Variants in PPARGC1A observed in about 807,000 individuals in gnomAD.
The protein encoded by PPARGC1A is PPARG coactivator 1 alpha.
In PPARGC1A, 25 loss-of-function variants were observed where a neutral mutation model predicts 88.7. The observed-to-expected ratio is 0.28, with a 90% CI of 0.21 to 0.39. The LOEUF (loss-of-function observed/expected upper bound fraction) is 0.39. PPARGC1A is among the 10% of genes least tolerant of loss of function. The pLI is 1.00. For synonymous variants in PPARGC1A, 363 were observed against 355.6 expected (o/e 1.02, Z -0.24); for missense variants, 880 against 968.7 (o/e 0.91, Z 1.22).
the PPARGC1A span, among the ~76,000 whole-genome samples, chr4:24,117,008 C>A: frequency 6.7e-6 from 1 of 150,136 alleles, no homozygotes. Context: ...ACAACAACAA[C>A]AAAAAACAAT....
chr4:24,218,405 C>T, the PPARGC1A span, among the ~76,000 whole-genome samples: 2 of 152,184 alleles, frequency 1.3e-5, no homozygotes, highest in Non-Finnish European at 2.9e-5. Flanking sequence ...ACCATCCACA[C>T]AAGTTTCTTC....
the PPARGC1A span, among the ~76,000 whole-genome samples, chr4:23,955,544 A>G: frequency 1.3e-5 from 2 of 152,122 alleles, no homozygotes; most frequent in African/African-American, 4.8e-5. Context: ...CAAGGGCAGG[A>G]ATCAAGGTAG....
the PPARGC1A span, among the ~76,000 whole-genome samples, chr4:24,144,473 G>A: frequency 2.8e-5 from 4 of 143,846 alleles, no homozygotes. Context: ...TTGAAACCAA[G>A]TGGGAGTTAT....
chr4:23,879,859 T>C (rs1172939689), intron 2 of PPARGC1A: 2 of 152,154 alleles, frequency 1.3e-5, no homozygotes, highest in Non-Finnish European at 2.9e-5. Flanking sequence ...TGACCCACCG[T>C]AATTTTGTAC....
chr4:24,230,897 G>A, the PPARGC1A span, among the ~76,000 whole-genome samples: 29 of 150,884 alleles, frequency 1.9e-4, 1 homozygote. Flanking sequence ...TTGACTAAGG[G>A]GGCTGTACCT....
chr4:24,005,028 T>G, the PPARGC1A span, among the ~76,000 whole-genome samples: 1 of 152,268 alleles, frequency 6.6e-6, no homozygotes, highest in African/African-American at 2.4e-5. Flanking sequence ...AGACTCCACC[T>G]GCTTATAAAA....
intron 7 of PPARGC1A, among the ~76,000 whole-genome samples, chr4:23,821,291 G>A (rs753736344): frequency 6.6e-6 from 1 of 152,110 alleles, no homozygotes; most frequent in Non-Finnish European, 1.5e-5. Flanking sequence ...AATGAAATGG[G>A]CAGAAAGTAA....
intron 3 of PPARGC1A, among the ~76,000 whole-genome samples, chr4:23,831,211 A>G (rs941830740): frequency 1.3e-5 from 2 of 152,218 alleles, no homozygotes; most frequent in African/African-American, 2.4e-5. Context: ...TCATTTTTAT[A>G]TGAGAGGTTA....
the PPARGC1A span, among the ~76,000 whole-genome samples, chr4:24,398,934 C>T: frequency 6.6e-6 from 1 of 152,240 alleles, no homozygotes; most frequent in African/African-American, 2.4e-5. Context: ...GATATTTTCC[C>T]CACCCAGAGG....
intron 3 of PPARGC1A, 27 bp from the exon 4 acceptor site, chr4:23,829,612 A>G: frequency 6.2e-7 from 1 of 1,601,340 alleles, no homozygotes; most frequent in Non-Finnish European, 8.5e-7. Flanking sequence ...GGAAAGGGAA[A>G]AGCAAGTAAA....
the PPARGC1A span, among the ~76,000 whole-genome samples, chr4:24,157,655 C>T: frequency 3.3e-5 from 5 of 152,088 alleles, no homozygotes; most frequent in South Asian, 2.1e-4. Flanking sequence ...TGCCCAAAGC[C>T]GAGGAGTCAG....
the PPARGC1A span, among the ~76,000 whole-genome samples, chr4:24,356,083 G>C: frequency 1.3e-5 from 2 of 151,924 alleles, no homozygotes; most frequent in African/African-American, 4.8e-5. Context: ...TGTAATCCCA[G>C]CTACTCAGGA....
the PPARGC1A span, among the ~76,000 whole-genome samples, chr4:23,952,693 G>C: frequency 6.6e-6 from 1 of 151,952 alleles, no homozygotes; most frequent in Admixed American, 6.6e-5. Context: ...AGATATTGCT[G>C]GTTCCTCTCA....
chr4:23,997,236 T>C, the PPARGC1A span, among the ~76,000 whole-genome samples: 2 of 152,160 alleles, frequency 1.3e-5, no homozygotes, highest in Non-Finnish European at 2.9e-5. Context: ...TTCTAAATAG[T>C]TCAGAAATCA....
the PPARGC1A span, among the ~76,000 whole-genome samples, chr4:24,289,034 A>T: frequency 6.6e-6 from 1 of 152,108 alleles, no homozygotes; most frequent in African/African-American, 2.4e-5. Flanking sequence ...AGCCTGGCCA[A>T]TATGGTGAAA....
the PPARGC1A span, among the ~76,000 whole-genome samples, chr4:23,985,232 C>A: frequency 1.3e-5 from 2 of 152,030 alleles, no homozygotes; most frequent in East Asian, 3.9e-4. Context: ...GACACACACT[C>A]CATTCATGAC....
At chr4:24,179,509 T>C in the PPARGC1A span, among the ~76,000 whole-genome samples, 1 of 152,100 alleles carries the variant, frequency 6.6e-6, no homozygotes, top group Non-Finnish European at 1.5e-5. Flanking sequence ...GATCCTACCC[T>C]TGCTGGTAGA....
In PPARGC1A at chr4:23,793,969, A is replaced by G. The variant is rs1182300078; in HGVS notation, c.*1853T>C. On this transcript the variant is annotated 3_prime_UTR_variant, in exon 13 of 13. Coordinates refer to ENST00000264867, the MANE Select transcript of PPARGC1A (RefSeq NM_013261.5). ...AACTGATAAATATGTCTCTTTAGTA[A>G]ACAAAGGAATGAAATATCAGTATTT... is the stretch of plus-strand genomic sequence containing the variant. 1 of 152,610 alleles carries G rather than the reference A, an allele frequency of 6.6e-6. No homozygotes were observed. Among genetic ancestry groups the G allele is most frequent in the Non-Finnish European group, 1.5e-5 (1 of 68,024 alleles). 9.5% of individuals were successfully genotyped at this position (152,610 alleles called of 1,614,324 possible). A position where few individuals can be genotyped will look rare whatever the true frequency, so the allele number is the denominator to read the frequency against.
upstream of PPARGC1A, among the ~76,000 whole-genome samples, chr4:23,901,933 G>T (rs1274576904): frequency 2.0e-5 from 3 of 151,916 alleles, no homozygotes; most frequent in African/African-American, 7.3e-5. Flanking sequence ...CTGGCAAGTT[G>T]CTATCTAAGT....
Sources: gnomAD v4.1 joint callset for allele counts (sites outside exome capture counted in the v4.1 genomes callset) on GRCh38, gnomAD v4.1.1 for gene constraint, MANE v1.5 for transcripts, NCBI Gene and HGNC (gene_info 2026-07-23, HGNC 2026-07-21) for gene names.